Variants in TCP11L1 observed in about 807,000 individuals in gnomAD.
TCP11L1 encodes T-complex protein 11-like protein 1.
TCP11L1 carries 28 observed loss-of-function variants against 48.9 expected under a neutral mutation model. The ratio of observed to expected loss-of-function variants is 0.57; its 90% CI spans 0.42 to 0.78. The LOEUF (loss-of-function observed/expected upper bound fraction) is 0.78. Among genes scored for constraint, TCP11L1 ranks in the 30% least tolerant of loss-of-function variants. TCP11L1 has a pLI of 0.00. For synonymous variants in TCP11L1, 204 were observed against 231.9 expected, an observed-to-expected ratio of 0.88 and a Z score of 1.09; for missense variants, 505 against 613.4, an observed-to-expected ratio of 0.82 and a Z score of 1.87.
chr11:33,052,722 G>C (rs1424739206), intron 2 of TCP11L1, among the ~76,000 whole-genome samples: 1 of 152,092 alleles, frequency 6.6e-6, no homozygotes, highest in African/African-American at 2.4e-5. Flanking sequence ...CGGCTGCTGT[G>C]GCTCACACCT....
chr11:33,040,749 A>G (rs1169560103), intron 1 of TCP11L1: 1 of 152,158 alleles, frequency 6.6e-6, no homozygotes, highest in East Asian at 1.9e-4. Context: ...CTCTGAGTGA[A>G]ATGCCCTCCT....
chr11:33,054,997 A>G (rs888531836), intron 3 of TCP11L1, among the ~76,000 whole-genome samples: 1 of 152,206 alleles, frequency 6.6e-6, no homozygotes, highest in Non-Finnish European at 1.5e-5. Flanking sequence ...ATCACACTGC[A>G]CTATAGTTGT....
chr11:33,044,129 T>A, intron 2 of TCP11L1, 193 bp downstream of exon 2: 1 of 517,756 alleles, frequency 1.9e-6, no homozygotes, highest in South Asian at 3.6e-5. Context: ...CATGGGAAAT[T>A]AACAATTTAG....
intron 4 of TCP11L1, 112 bp downstream of exon 4, chr11:33,057,347 G>C: frequency 6.6e-7 from 1 of 1,512,532 alleles, no homozygotes; most frequent in East Asian, 2.3e-5. Context: ...AGAAGTTAAA[G>C]TACTTGCCAG....
At chr11:33,049,683 A>G (rs1854101077) in intron 2 of TCP11L1, among the ~76,000 whole-genome samples, 1 of 152,206 alleles carries the variant, frequency 6.6e-6, no homozygotes, top group African/African-American at 2.4e-5. Flanking sequence ...TATTGCCGCT[A>G]GCACCTCACC....
rs747452777 is a variant in TCP11L1 at position 33,065,872 on chromosome 11, C to A, written c.1015C>A (p.Gln339Lys). Residue 339 changes from glutamine (Q) to lysine (K), a missense_variant, in exon 8 of 10, where the codon CAG becomes AAG. This residue lies in a region of TCP11L1 where 335 missense variants were observed against 413.3 expected (regional missense o/e 0.81). Coordinates refer to ENST00000334274, the MANE Select transcript of TCP11L1 (RefSeq NM_018393.4). ...DQSRFHELQL[Q>K]LEQLTILGAV... ...GTCTCGCTTCCACGAGCTCCAGTTG[C>A]AGCTGGAACAACTGACCATCCTGGG... 2.5e-6 allele frequency: 4 copies of A among 1,614,098 alleles called. No homozygotes were observed. The highest frequency in any genetic ancestry group is 3.4e-6 in the Non-Finnish European group (4 of 1,179,968).
intron 2 of TCP11L1, among the ~76,000 whole-genome samples, chr11:33,049,118 C>T (rs1239172924): frequency 6.6e-6 from 1 of 152,044 alleles, no homozygotes; most frequent in Non-Finnish European, 1.5e-5. Flanking sequence ...GGTGTGGTGG[C>T]ACACGCCTGT....
intron 3 of TCP11L1, among the ~76,000 whole-genome samples, chr11:33,056,876 A>G (rs1435673875): frequency 6.6e-6 from 1 of 152,204 alleles, no homozygotes. Context: ...TTCTTGGATT[A>G]ATGTTGGCTA....
intron 2 of TCP11L1, among the ~76,000 whole-genome samples, chr11:33,050,528 A>G (rs1337313704): frequency 6.6e-6 from 1 of 152,222 alleles, no homozygotes; most frequent in Non-Finnish European, 1.5e-5. Context: ...TATATACAGG[A>G]GATCCCTACT....
intron 8 of TCP11L1, among the ~76,000 whole-genome samples, chr11:33,066,443 GAGA>G (rs1337073844): frequency 5.9e-5 from 9 of 152,292 alleles, no homozygotes; most frequent in Admixed American, 5.2e-4. Context: ...TAGGAGGCGA[GAGA>G]AGAAGTGGCT....
chr11:33,046,857 C>G (rs1381791823), intron 2 of TCP11L1, among the ~76,000 whole-genome samples: 1 of 152,158 alleles, frequency 6.6e-6, no homozygotes, highest in Non-Finnish European at 1.5e-5. Flanking sequence ...TGGAATTCTA[C>G]AAATTAAAAC....
chr11:33,068,872 A>C lies in TCP11L1; in HGVS notation c.1327+13A>C, dbSNP rs1196510819. 2 of 1,606,670 alleles carry C rather than the reference A, an allele frequency of 1.2e-6. No homozygotes were observed. Among genetic ancestry groups the C allele is most frequent in the Non-Finnish European group, 1.7e-6 (2 of 1,174,198 alleles). ...CGCAGGATCATGGGTACGTTTGGGG[A>C]AGGCAGGCAGCAGGGATGTGCCCTC... On this transcript the variant is annotated intron_variant, in intron 9 of 9. Transcript: ENST00000334274.
At chr11:33,051,279 T>G (rs1001082173) in intron 2 of TCP11L1, among the ~76,000 whole-genome samples, 7 of 151,906 alleles carry the variant, frequency 4.6e-5, no homozygotes, top group African/African-American at 1.7e-4. Context: ...GCCATTCTCT[T>G]GCCTCAGCCT....
chr11:33,051,368 C>T (rs537341599), intron 2 of TCP11L1, among the ~76,000 whole-genome samples: 2 of 151,894 alleles, frequency 1.3e-5, no homozygotes, highest in South Asian at 4.1e-4. Context: ...GGGGTTTCAC[C>T]GTGTTAGCCA....
chr11:33,059,184 A>G (rs921415337), intron 6 of TCP11L1, 89 bp downstream of exon 6: 1 of 1,519,846 alleles, frequency 6.6e-7, no homozygotes, highest in African/African-American at 1.4e-5. Flanking sequence ...TATTTTCAGA[A>G]CAAAACTAAA....
intron 1 of TCP11L1, 61 bp from the exon 2 acceptor site, chr11:33,043,689 G>T (rs1853904032): frequency 2.8e-6 from 4 of 1,413,468 alleles, no homozygotes; most frequent in Non-Finnish European, 3.8e-6. Context: ...GAGTCACATT[G>T]CTAGTTGGTG....
At chr11:33,050,986 T>C (rs1355411152) in intron 2 of TCP11L1, among the ~76,000 whole-genome samples, 1 of 152,104 alleles carries the variant, frequency 6.6e-6, no homozygotes, top group African/African-American at 2.4e-5. Context: ...GCTAATTGTA[T>C]TTTTTGTAGA....
Position 33,054,574 on chromosome 11 carries a change from C to T in TCP11L1, c.164-19C>T, listed in dbSNP as rs1431758205. On this transcript the variant is annotated intron_variant, in intron 2 of 9. Transcript: ENST00000334274. Reference sequence around the variant, plus strand: ...CAGATCCAGGGAAGCAAATCTCTTACAGTGAGTTTCTGTTACAGCTAGTCC... The same window carrying T: ...CAGATCCAGGGAAGCAAATCTCTTATAGTGAGTTTCTGTTACAGCTAGTCC... 2 of 1,604,974 alleles carry T rather than the reference C, an allele frequency of 1.2e-6. No homozygotes were observed. Among genetic ancestry groups the T allele is most frequent in the Non-Finnish European group, 1.7e-6 (2 of 1,177,270 alleles).
Position 33,057,937 on chromosome 11 carries a change from C to A in TCP11L1, c.436C>A (p.Leu146Met). The change falls in exon 5 of 10, where the codon CTG becomes ATG. Residue 146 changes from leucine (L) to methionine (M), a missense_variant. Around this residue, in one of 3 missense-constraint regions of TCP11L1, gnomAD observed 168 missense variants for 183.5 expected, o/e 0.92. Coordinates refer to ENST00000334274, the MANE Select transcript of TCP11L1 (RefSeq NM_018393.4). ...CTTGTAGACTCTCTTATCTTTCTTGCTGCCTGGTCATACTAGACTGAGAAA... is the reference window on the plus strand; with the variant it reads ...CTTGTAGACTCTCTTATCTTTCTTGATGCCTGGTCATACTAGACTGAGAAA... ...EIKETLLSFL[L>M]PGHTRLRNQI... The A allele has an allele frequency of 1.2e-6, 2 of 1,613,416 alleles. No individual in the cohort carries two copies. The highest frequency in any genetic ancestry group is 1.7e-6 in the Non-Finnish European group (2 of 1,179,882).
Sources: gnomAD v4.1 joint callset for allele counts (sites outside exome capture counted in the v4.1 genomes callset) on GRCh38, gnomAD v4.1.1 for gene constraint, gnomAD v4.1.1 regional missense constraint, MANE v1.5 for transcripts, NCBI Gene and HGNC (gene_info 2026-07-23, HGNC 2026-07-21) for gene names.